PRKAR1B: variants seen among roughly 807,000 people sequenced by gnomAD.
PRKAR1B encodes cAMP-dependent protein kinase type I-beta regulatory subunit.
PRKAR1B carries 22 observed loss-of-function variants against 46.5 expected under a neutral mutation model. The ratio of observed to expected loss-of-function variants is 0.47; its 90% CI spans 0.34 to 0.68. The LOEUF is 0.68. PRKAR1B is among the 30% of genes least tolerant of loss of function. The pLI, the probability that PRKAR1B is intolerant of heterozygous loss-of-function variation, is 0.01. For missense variants in PRKAR1B, 445 were observed against 535.6 expected, an observed-to-expected ratio of 0.83 and a Z score of 1.67; for synonymous variants, 259 against 217.7, an observed-to-expected ratio of 1.19 and a Z score of -1.67.
chr7:727,205 C>T lies in PRKAR1B; in HGVS notation c.-23+5G>A. ...GACCTGTGCGGCGCCGCGCTCGCGCCCCACCTGGACGACGCTCTGCGCGCG... is the reference window on the plus strand; with the variant it reads ...GACCTGTGCGGCGCCGCGCTCGCGCTCCACCTGGACGACGCTCTGCGCGCG... On this transcript the variant is annotated splice_donor_5th_base_variant and intron_variant, in intron 1 of 10. Transcript: ENST00000537384. The T allele has an allele frequency of 3.0e-6, 4 of 1,348,582 alleles. No individual in the cohort carries two copies. The highest frequency in any genetic ancestry group is 3.8e-6 in the Non-Finnish European group (4 of 1,048,252). The allele number at this position is 1,348,582 out of a possible 1,614,324, so 83.5% of individuals were successfully genotyped here.
At chr7:583,596 GCA>G (rs1369842884) in intron 8 of PRKAR1B, among the ~76,000 whole-genome samples, 2 of 69,352 alleles carry the variant, frequency 2.9e-5, no homozygotes, top group Admixed American at 1.3e-4. Context: ...ACTCCCAGGT[GCA>G]CACACACCCC....
chr7:555,588 C>T (rs1293085943), intron 9 of PRKAR1B, among the ~76,000 whole-genome samples: 4 of 152,158 alleles, frequency 2.6e-5, no homozygotes, highest in East Asian at 1.9e-4. Flanking sequence ...CCCTCCAGCC[C>T]GACCAGGGAG....
At chr7:657,776 C>A (rs546164543) in intron 4 of PRKAR1B, among the ~76,000 whole-genome samples, 1 of 152,148 alleles carries the variant, frequency 6.6e-6, no homozygotes, top group Non-Finnish European at 1.5e-5. Context: ...CCACACAAGA[C>A]GTAAAGCAGA....
chr7:676,043 C>T (rs1287409515), intron 4 of PRKAR1B, among the ~76,000 whole-genome samples: 5 of 152,064 alleles, frequency 3.3e-5, no homozygotes, highest in South Asian at 2.1e-4. Flanking sequence ...AACTGCAGCA[C>T]GCTAACTGGC....
chr7:705,298 G>C (rs1322029813), intron 2 of PRKAR1B, among the ~76,000 whole-genome samples: 1 of 139,790 alleles, frequency 7.2e-6, no homozygotes, highest in African/African-American at 2.8e-5. Context: ...GCAAGACTCT[G>C]TCTCAATTAA....
chr7:557,459 A>G (rs1778517545), intron 9 of PRKAR1B, among the ~76,000 whole-genome samples: 1 of 152,230 alleles, frequency 6.6e-6, no homozygotes, highest in African/African-American at 2.4e-5. Flanking sequence ...CACCCTGCAC[A>G]CTGACGGTGG....
At chr7:577,878 C>G (rs191630389) in intron 9 of PRKAR1B, among the ~76,000 whole-genome samples, 17 of 152,332 alleles carry the variant, frequency 1.1e-4, no homozygotes, top group Non-Finnish European at 1.5e-4. Context: ...GAGCCGCTCC[C>G]GCTAGGCAGT....
At chr7:584,678 C>A in intron 7 of PRKAR1B, 110 bp from the exon 8 acceptor site, 9 of 903,554 alleles carry the variant, frequency 1.0e-5, no homozygotes, top group Non-Finnish European at 1.6e-5. Flanking sequence ...TGAGACCCTC[C>A]AAGCATTCCA....
At chr7:565,491 T>A (rs1018160633) in intron 9 of PRKAR1B, 1 of 152,284 alleles carries the variant, frequency 6.6e-6, no homozygotes, top group African/African-American at 2.4e-5. Context: ...CCTTGGACAC[T>A]GCCCATCTTC....
rs372957402 is a variant in PRKAR1B, at chr7:550,327, C to T, written c.*103G>A. On this transcript the variant is annotated 3_prime_UTR_variant, in exon 11 of 11. Transcript: ENST00000537384. ...TCCTCACGCTGCCGGGACCCAGCCC[C>T]ACCCGGCCCACACCTCACACAGCGG... 4.4e-5 allele frequency: 47 copies of T among 1,075,374 alleles called. No individual in the cohort carries two copies. In the East Asian group the frequency reaches 5.2e-4, roughly 12 times the overall value. The allele number at this position is 1,075,374 out of a possible 1,614,324, so 66.6% of individuals were successfully genotyped here. A position where few individuals can be genotyped will look rare whatever the true frequency, so the allele number is the denominator to read the frequency against.
intron 9 of PRKAR1B, among the ~76,000 whole-genome samples, chr7:566,042 G>A (rs867552329): frequency 6.4e-4 from 97 of 152,164 alleles, no homozygotes; most frequent in African/African-American, 2.1e-3. Context: ...GAGGATAATG[G>A]TCATTACCTC....
chr7:688,396 T>C (rs1583421157), intron 2 of PRKAR1B, among the ~76,000 whole-genome samples: 2 of 144,778 alleles, frequency 1.4e-5, no homozygotes, highest in Admixed American at 6.9e-5. Flanking sequence ...AGAGTGAGAC[T>C]CCATCTCAAA....
intron 4 of PRKAR1B, among the ~76,000 whole-genome samples, chr7:662,189 TCCC>T (rs1785619832): frequency 1.4e-5 from 1 of 72,328 alleles, no homozygotes; most frequent in African/African-American, 6.0e-5. Context: ...ATACCTACTC[TCCC>T]CCCCATGGCA....
At chr7:693,673 A>G (rs1205819038) in intron 2 of PRKAR1B, among the ~76,000 whole-genome samples, 1 of 152,116 alleles carries the variant, frequency 6.6e-6, no homozygotes, top group African/African-American at 2.4e-5. Flanking sequence ...AGGTTTTCAC[A>G]TCGTGGCTCC....
At chr7:556,823 C>A (rs1778474083) in intron 9 of PRKAR1B, among the ~76,000 whole-genome samples, 1 of 152,218 alleles carries the variant, frequency 6.6e-6, no homozygotes, top group Non-Finnish European at 1.5e-5. Context: ...TGCCATGTTT[C>A]TGGAATGGAG....
chr7:678,045 C>G (rs541545447), intron 3 of PRKAR1B, among the ~76,000 whole-genome samples: 5 of 152,114 alleles, frequency 3.3e-5, no homozygotes, highest in African/African-American at 7.2e-5. Flanking sequence ...CCGAGGCAGG[C>G]GGATCGCCTG....
At chr7:599,395 T>A (rs1005901118) in intron 6 of PRKAR1B, among the ~76,000 whole-genome samples, 36 of 152,170 alleles carry the variant, frequency 2.4e-4, no homozygotes, top group African/African-American at 8.2e-4. Context: ...CCTCCCAGGT[T>A]CAAGCGATTC....
chr7:555,748 C>CA (rs1339222703), intron 9 of PRKAR1B, among the ~76,000 whole-genome samples: 4 of 152,216 alleles, frequency 2.6e-5, no homozygotes, highest in Non-Finnish European at 4.4e-5. Flanking sequence ...GCCACACAGT[C>CA]AGAGTCCCGC....
intron 9 of PRKAR1B, among the ~76,000 whole-genome samples, chr7:551,782 G>C (rs569223504): frequency 4.0e-4 from 51 of 128,754 alleles, no homozygotes; most frequent in African/African-American, 1.5e-3. Context: ...TTCCCTCGGA[G>C]CCACTGCCAT....
Sources: gnomAD v4.1 joint callset for allele counts (sites outside exome capture counted in the v4.1 genomes callset) on GRCh38, gnomAD v4.1.1 for gene constraint, MANE v1.5 for transcripts, NCBI Gene and HGNC (gene_info 2026-07-23, HGNC 2026-07-21) for gene names.